Variants in PTPRG observed in about 807,000 individuals in gnomAD.
The protein encoded by PTPRG is protein tyrosine phosphatase receptor type G.
PTPRG carries 102 observed loss-of-function variants against 165.3 expected under a neutral mutation model. That is an observed-to-expected ratio of 0.62 (90% CI 0.53 to 0.73). PTPRG has a LOEUF of 0.73. PTPRG is among the 30% of genes least tolerant of loss of function. The pLI, the probability that PTPRG is intolerant of heterozygous loss-of-function variation, is 0.00. For synonymous variants in PTPRG, 675 were observed against 669.5 expected (o/e 1.01, Z -0.13); for missense variants, 1,866 against 1,861.4 (o/e 1.00, Z -0.05).
chr3:61,862,008 G>T (rs1439733646), intron 2 of PTPRG, among the ~76,000 whole-genome samples: 1 of 152,078 alleles, frequency 6.6e-6, no homozygotes, highest in Non-Finnish European at 1.5e-5. Flanking sequence ...TAATACAGGG[G>T]TCTCCAACTC....
At chr3:62,186,216 C>T (rs903052662) in intron 8 of PTPRG, among the ~76,000 whole-genome samples, 45 of 152,150 alleles carry the variant, frequency 3.0e-4, no homozygotes, top group African/African-American at 1.0e-3. Context: ...AGACCAGAGA[C>T]AAGATCCTCA....
intron 2 of PTPRG, among the ~76,000 whole-genome samples, chr3:61,932,279 C>A (rs1281671620): frequency 1.3e-5 from 2 of 152,144 alleles, no homozygotes; most frequent in African/African-American, 4.8e-5. Flanking sequence ...TGCAGCACTG[C>A]ATGGAATTAT....
chr3:61,730,251 G>GCTTTTACGCTGTCGTT (rs1283773280), intron 1 of PTPRG, among the ~76,000 whole-genome samples: 2 of 130,948 alleles, frequency 1.5e-5, no homozygotes, highest in African/African-American at 6.0e-5. Context: ...CAGCTGTCGT[G>GCTTTTACGCTGTCGTT]CTTTTACACT....
At chr3:61,993,878 C>T (rs557188834) in intron 3 of PTPRG, among the ~76,000 whole-genome samples, 7 of 152,174 alleles carry the variant, frequency 4.6e-5, no homozygotes, top group African/African-American at 1.7e-4. Context: ...ATATTTAAAG[C>T]GGCCTATTAC....
chr3:61,688,613 A>G (rs776514623), intron 1 of PTPRG, among the ~76,000 whole-genome samples: 10 of 152,230 alleles, frequency 6.6e-5, no homozygotes, highest in African/African-American at 9.6e-5. Flanking sequence ...GGATGCAGGC[A>G]AGTCAGAGTG....
intron 1 of PTPRG, among the ~76,000 whole-genome samples, chr3:61,632,416 G>GT (rs1701794876): frequency 2.0e-5 from 3 of 152,198 alleles, no homozygotes; most frequent in Non-Finnish European, 4.4e-5. Flanking sequence ...TATGAAAGCA[G>GT]GTTGACAGAT....
chr3:61,611,047 C>T (rs937639336), intron 1 of PTPRG, among the ~76,000 whole-genome samples: 7 of 152,152 alleles, frequency 4.6e-5, no homozygotes, highest in Non-Finnish European at 8.8e-5. Context: ...AGTGATCCTC[C>T]TGTCTTGGCC....
At chr3:62,177,838 T>C (rs1203642250) in intron 8 of PTPRG, among the ~76,000 whole-genome samples, 1 of 152,186 alleles carries the variant, frequency 6.6e-6, no homozygotes, top group Non-Finnish European at 1.5e-5. Context: ...AGGGCACCAG[T>C]ACCTTTCCCT....
At chr3:62,151,906 C>T (rs1340626308) in intron 6 of PTPRG, among the ~76,000 whole-genome samples, 1 of 152,142 alleles carries the variant, frequency 6.6e-6, no homozygotes, top group African/African-American at 2.4e-5. Context: ...ATACTCAGAA[C>T]CTCCTTGTAA....
At chr3:62,081,836 G>A (rs1333166627) in intron 5 of PTPRG, among the ~76,000 whole-genome samples, 1 of 152,162 alleles carries the variant, frequency 6.6e-6, no homozygotes, top group Non-Finnish European at 1.5e-5. Flanking sequence ...AAATCTTGGT[G>A]TATATTTCCA....
chr3:61,732,757 TAA>T (rs2032563437), intron 1 of PTPRG, among the ~76,000 whole-genome samples: 2 of 149,264 alleles, frequency 1.3e-5, no homozygotes, highest in African/African-American at 2.5e-5. Flanking sequence ...AATAAATAAA[TAA>T]ATCTTGCATT....
intron 4 of PTPRG, among the ~76,000 whole-genome samples, chr3:62,010,171 G>C (rs115540374): frequency 6.6e-6 from 1 of 152,056 alleles, no homozygotes; most frequent in Non-Finnish European, 1.5e-5. Context: ...CTCCCTCTTC[G>C]CCCTCCCAAA....
chr3:62,012,992 A>AC (rs2041463127), intron 4 of PTPRG, among the ~76,000 whole-genome samples: 1 of 152,186 alleles, frequency 6.6e-6, no homozygotes, highest in African/African-American at 2.4e-5. Flanking sequence ...TATAATGTGA[A>AC]CCATACATTG....
intron 1 of PTPRG, among the ~76,000 whole-genome samples, chr3:61,664,409 A>T (rs1396298995): frequency 6.6e-6 from 1 of 152,202 alleles, no homozygotes; most frequent in Non-Finnish European, 1.5e-5. Flanking sequence ...GCATGACAGA[A>T]TTATTTCTTT....
intron 1 of PTPRG, among the ~76,000 whole-genome samples, chr3:61,643,765 A>G (rs1026119167): frequency 3.6e-5 from 3 of 83,690 alleles, no homozygotes; most frequent in African/African-American, 3.0e-4. Context: ...CTCTGTCTCA[A>G]AAAAAAAAAC....
At position 62,267,702 on chromosome 3, in the gene PTPRG, A is replaced by G. The variant is rs1347263829; in HGVS notation, c.2757A>G (p.Lys919=). Residue 919 remains lysine (K), a synonymous_variant, in exon 19 of 30, where the codon AAA becomes AAG. Coordinates refer to ENST00000474889, the MANE Select transcript of PTPRG (RefSeq NM_002841.4). ...ANYVDGYNKA[K]AYIATQGPLK... ...TTTTGAAGGGTTACAACAAAGCAAA[A>G]GCCTACATTGCCACCCAAGGACCTT... The G allele has an allele frequency of 3.1e-6, 5 of 1,613,088 alleles. No individual in the cohort carries two copies. Among genetic ancestry groups the G allele is most frequent in the Non-Finnish European group, 3.4e-6 (4 of 1,179,478 alleles).
At chr3:61,645,286 C>T (rs1404252521) in intron 1 of PTPRG, among the ~76,000 whole-genome samples, 1 of 152,252 alleles carries the variant, frequency 6.6e-6, no homozygotes, top group African/African-American at 2.4e-5. Context: ...GCTTTGTCCA[C>T]ACCCCGCATT....
At position 62,154,468 on chromosome 3, in the gene PTPRG, CT is replaced by C. The variant is rs558528337; in HGVS notation, c.683-2596del. 3.3e-4 allele frequency among the ~76,000 whole-genome samples: 50 copies of C among 152,322 alleles called. No homozygotes were observed. The East Asian group carries it at 9.3e-3, about 28-fold the overall frequency. The stretch of plus-strand genomic sequence containing the variant: ...GAGTTTGCAGCAGGGGTCACACGCA[CT>C]TTCCATCATGCCTGCTTAATCCATG... On this transcript the variant is annotated intron_variant, in intron 6 of 29. Coordinates refer to ENST00000474889, the MANE Select transcript of PTPRG (RefSeq NM_002841.4).
chr3:61,692,162 G>T lies in PTPRG; in HGVS notation c.86-56716G>T, dbSNP rs72878417. 1.5e-3 allele frequency among the ~76,000 whole-genome samples: 231 copies of T among 152,354 alleles called. 1 individual carries two copies. Among genetic ancestry groups the T allele is most frequent in the African/African-American group, 5.3e-3 (222 of 41,576 alleles). On this transcript the variant is annotated intron_variant, in intron 1 of 29. Transcript: ENST00000474889. The stretch of plus-strand genomic sequence containing the variant: ...CTGCCCTTCAATAGGTGTGGTGTTA[G>T]TTAATGGTTTGATGAAGAGTTTTAT...
Sources: allele counts gnomAD v4.1 joint callset (sites outside exome capture counted in the v4.1 genomes callset), GRCh38; gene constraint gnomAD v4.1.1; transcripts MANE v1.5; gene names NCBI Gene and HGNC (gene_info 2026-07-23, HGNC 2026-07-21).